The following MCTP1 variants were observed in gnomAD, a reference collection of about 807,000 sequenced individuals.
MCTP1 encodes multiple C2 and transmembrane domain-containing protein 1.
A neutral mutation model predicts 120.6 loss-of-function variants in MCTP1; 69 were observed. The ratio of observed to expected loss-of-function variants is 0.57; its 90% CI spans 0.47 to 0.70. MCTP1 has a LOEUF of 0.70. Among genes scored for constraint, MCTP1 ranks in the 30% least tolerant of loss-of-function variants. MCTP1 has a pLI of 0.00. For synonymous variants in MCTP1, 529 were observed against 493.1 expected, an observed-to-expected ratio of 1.07 and a Z score of -0.96; for missense variants, 1,203 against 1,248.8, an observed-to-expected ratio of 0.96 and a Z score of 0.55.
chr5:94,867,485 G>C (rs1477355809), intron 17 of MCTP1: 3 of 727,166 alleles, frequency 4.1e-6, no homozygotes, highest in African/African-American at 3.5e-5. Flanking sequence ...GGCTCTTCTT[G>C]TAAGCCCCCA....
intron 1 of MCTP1, among the ~76,000 whole-genome samples, chr5:95,120,235 G>C (rs1036517240): frequency 1.3e-5 from 2 of 150,106 alleles, no homozygotes; most frequent in Non-Finnish European, 3.0e-5. Flanking sequence ...TAGCTTCACT[G>C]CTGAATTTCA....
rs555137101 is a variant in MCTP1, at chr5:95,036,573, C to T, written c.721-19089G>A. On this transcript the variant is annotated intron_variant, in intron 1 of 22. Coordinates refer to ENST00000515393, the MANE Select transcript of MCTP1 (RefSeq NM_024717.7). ...TACAAATTGCTTTGTATCTGAGTTT[C>T]CTCGTCAGAACCCTAATCTTTATTT... is the stretch of plus-strand genomic sequence containing the variant. 8.5e-5 allele frequency among the ~76,000 whole-genome samples: 13 copies of T among 152,284 alleles called. No individual in the cohort carries two copies. The East Asian group carries it at 1.7e-3, about 20-fold the overall frequency.
intron 11 of MCTP1, among the ~76,000 whole-genome samples, chr5:94,890,459 A>G (rs1277235313): frequency 1.3e-5 from 2 of 152,194 alleles, no homozygotes; most frequent in Non-Finnish European, 2.9e-5. Flanking sequence ...TAAATTACCT[A>G]AAGACTATTT....
At chr5:95,146,173 G>T (rs969468663) in intron 1 of MCTP1, among the ~76,000 whole-genome samples, 7 of 152,046 alleles carry the variant, frequency 4.6e-5, no homozygotes, top group African/African-American at 1.7e-4. Context: ...AAATTTGTGT[G>T]CACAGAGGTG....
chr5:94,845,572 T>TCTCA (rs1448144328), intron 17 of MCTP1, among the ~76,000 whole-genome samples: 21 of 152,066 alleles, frequency 1.4e-4, no homozygotes, highest in African/African-American at 5.1e-4. Context: ...TGAGACAGGG[T>TCTCA]CTCACTCTGT....
chr5:94,908,368 T>A (rs939617089), intron 10 of MCTP1, among the ~76,000 whole-genome samples: 2 of 151,912 alleles, frequency 1.3e-5, no homozygotes, highest in East Asian at 3.9e-4. Flanking sequence ...TATAACTGCA[T>A]CATAAAAAAA....
chr5:94,729,150 C>G (rs1366367417), intron 19 of MCTP1, among the ~76,000 whole-genome samples: 1 of 152,142 alleles, frequency 6.6e-6, no homozygotes, highest in African/African-American at 2.4e-5. Context: ...GTCAGGAAAA[C>G]AGAAACTACT....
At chr5:94,952,017 C>A (rs1406668616) in intron 3 of MCTP1, among the ~76,000 whole-genome samples, 10 of 151,674 alleles carry the variant, frequency 6.6e-5, no homozygotes, top group Non-Finnish European at 1.5e-4. Flanking sequence ...ACTAAAAATA[C>A]AAAAAATAAC....
chr5:94,708,696 A>G (rs1755586026), intron 21 of MCTP1, 87 bp from the exon 22 acceptor site: 2 of 776,718 alleles, frequency 2.6e-6, no homozygotes, highest in African/African-American at 1.7e-5. Context: ...CCTTGACTCA[A>G]TGAACCAATA....
chr5:94,922,207 G>A (rs2153461105), intron 7 of MCTP1, among the ~76,000 whole-genome samples: 1 of 152,256 alleles, frequency 6.6e-6, no homozygotes, highest in South Asian at 2.1e-4. Flanking sequence ...TGTTATTCTA[G>A]GATCAAAGAG....
At chr5:94,830,067 C>T (rs137877559) in intron 17 of MCTP1, among the ~76,000 whole-genome samples, 341 of 152,288 alleles carry the variant, frequency 2.2e-3, no homozygotes, top group African/African-American at 8.0e-3. Context: ...ATGTTAATTC[C>T]CAAGAAAGAG....
intron 1 of MCTP1, among the ~76,000 whole-genome samples, chr5:95,169,752 C>G (rs940708400): frequency 9.2e-5 from 14 of 152,216 alleles, no homozygotes; most frequent in Admixed American, 9.2e-4. Context: ...TCCCCTTTAT[C>G]ATTTTTTATT....
intron 2 of MCTP1, among the ~76,000 whole-genome samples, chr5:95,013,110 G>A (rs1836360310): frequency 6.6e-6 from 1 of 152,080 alleles, no homozygotes; most frequent in Non-Finnish European, 1.5e-5. Context: ...TGGGTGGTCT[G>A]GATAGAAGAT....
intron 1 of MCTP1, among the ~76,000 whole-genome samples, chr5:95,187,582 A>C (rs1749355180): frequency 6.6e-6 from 1 of 152,072 alleles, no homozygotes; most frequent in South Asian, 2.1e-4. Context: ...TGATATTTTT[A>C]GTAGAGATAG....
intron 18 of MCTP1, among the ~76,000 whole-genome samples, chr5:94,779,670 T>C (rs900907964): frequency 1.3e-5 from 2 of 152,176 alleles, no homozygotes; most frequent in African/African-American, 4.8e-5. Flanking sequence ...AATTCTTATG[T>C]ATAAATGTCA....
intron 19 of MCTP1, among the ~76,000 whole-genome samples, chr5:94,741,274 A>G (rs1765467645): frequency 6.6e-6 from 1 of 152,242 alleles, no homozygotes; most frequent in Admixed American, 6.5e-5. Context: ...CTTGTAAATT[A>G]AAATTTCAAG....
chr5:95,152,685 T>C (rs1300656065), intron 1 of MCTP1, among the ~76,000 whole-genome samples: 1 of 152,224 alleles, frequency 6.6e-6, no homozygotes, highest in African/African-American at 2.4e-5. Context: ...AACTTTTGGG[T>C]TCACTCTTTA....
At chr5:95,237,515 G>T (rs1335765830) in intron 1 of MCTP1, among the ~76,000 whole-genome samples, 1 of 152,054 alleles carries the variant, frequency 6.6e-6, no homozygotes, top group Non-Finnish European at 1.5e-5. Flanking sequence ...AAAGCTCCTG[G>T]GTGGCTACTT....
At chr5:95,064,483 CACTT>C (rs1200831315) in intron 1 of MCTP1, among the ~76,000 whole-genome samples, 3 of 152,148 alleles carry the variant, frequency 2.0e-5, no homozygotes, top group Non-Finnish European at 4.4e-5. Context: ...CTTAATAACT[CACTT>C]AGTAGGATAC....
Sources: allele counts gnomAD v4.1 joint callset (sites outside exome capture counted in the v4.1 genomes callset), GRCh38; gene constraint gnomAD v4.1.1; transcripts MANE v1.5; gene names NCBI Gene and HGNC (gene_info 2026-07-23, HGNC 2026-07-21).